The following TANGO6 variants were observed in gnomAD, a reference collection of about 807,000 sequenced individuals.
The protein encoded by TANGO6 is transport and golgi organization 6 homolog, also known as transport and Golgi organization protein 6 homolog.
TANGO6 carries 90 observed loss-of-function variants against 114.2 expected under a neutral mutation model. The observed-to-expected ratio is 0.79, with a 90% CI of 0.66 to 0.94. TANGO6 has a LOEUF of 0.94. TANGO6 is among the 40% of genes least tolerant of loss of function. The pLI is 0.00. For synonymous variants in TANGO6, 477 were observed against 509.8 expected (o/e 0.94, Z 0.87); for missense variants, 1,274 against 1,315.3 (o/e 0.97, Z 0.49).
rs1444259960 is a variant in TANGO6, at chr16:68,862,967, C to A, written c.758C>A (p.Thr253Asn). 1.3e-6 allele frequency: 2 copies of A among 1,597,552 alleles called. No homozygotes were observed. The highest frequency in any genetic ancestry group is 1.7e-6 in the Non-Finnish European group (2 of 1,172,154). Residue 253 changes from threonine to asparagine, a missense_variant, in exon 3 of 18, where the codon ACC becomes AAC. Around this residue, in one of 5 missense-constraint regions of TANGO6, gnomAD observed 908 missense variants for 910.2 expected, o/e 1.00. Transcript: ENST00000261778. Reference sequence around the variant, plus strand: ...TAGGTTCTAACTGAAGAGGAGAGAACCCTATCCAGGGGGGCCTTGAGAGAC... The same window carrying A: ...TAGGTTCTAACTGAAGAGGAGAGAAACCTATCCAGGGGGGCCTTGAGAGAC... The part of the protein sequence containing the change: ...AEEVLTEEER[T>N]LSRGALRDML...
chr16:68,894,143 G>GT (rs1443938339), intron 7 of TANGO6, among the ~76,000 whole-genome samples: 1 of 152,210 alleles, frequency 6.6e-6, no homozygotes, highest in African/African-American at 2.4e-5. Flanking sequence ...TTTGGCTATT[G>GT]TAAGTGCTGG....
In TANGO6 at chr16:69,029,528, A is replaced by G. The variant is rs116263706; in HGVS notation, c.2994+6549A>G. Among the ~76,000 whole-genome samples the G allele has an allele frequency of 4.3e-3, 659 of 152,260 alleles. 5 individuals are homozygous for G. Among genetic ancestry groups the G allele is most frequent in the African/African-American group, 0.015 (633 of 41,550 alleles). ...TCATTCCATTCTAGAGAGAGTAGAC[A>G]GATAATAAATGTTATGTATAATCAA... is the stretch of plus-strand genomic sequence containing the variant. On this transcript the variant is annotated intron_variant, in intron 16 of 17. Transcript: ENST00000261778.
At chr16:68,874,569 G>A (rs17690657) in intron 4 of TANGO6, among the ~76,000 whole-genome samples, 13,915 of 152,216 alleles carry the variant, frequency 0.091, 777 homozygotes, top group Non-Finnish European at 0.13. Flanking sequence ...TAAACATGGT[G>A]AAGCTAGTAT....
intron 17 of TANGO6, among the ~76,000 whole-genome samples, chr16:69,066,774 C>T (rs1319039131): frequency 6.6e-6 from 1 of 152,074 alleles, no homozygotes; most frequent in South Asian, 2.1e-4. Flanking sequence ...GTGCCTTATG[C>T]CTCCCACTCC....
intron 15 of TANGO6, among the ~76,000 whole-genome samples, chr16:68,978,903 A>G (rs561302140): frequency 1.7e-4 from 26 of 149,688 alleles, no homozygotes; most frequent in African/African-American, 6.4e-4. Flanking sequence ...ACATATATAC[A>G]GTAAAGTATA....
Position 68,880,632 on chromosome 16 carries a change from T to A in TANGO6, c.1377+2T>A, listed in dbSNP as rs904554404. On this transcript the variant is annotated splice_donor_variant, in intron 7 of 17. Coordinates refer to ENST00000261778, the MANE Select transcript of TANGO6 (RefSeq NM_024562.2). LOFTEE classifies it high-confidence loss of function. ...AGATGCATTGAGGATGTGTTTAAGG[T>A]TGGTAATCTGAGTCACTAATGTTTT... is the stretch of plus-strand genomic sequence containing the variant. The A allele has an allele frequency of 6.3e-7, 1 of 1,579,928 alleles. No individual in the cohort carries two copies. Among genetic ancestry groups the A allele is most frequent in the African/African-American group, 1.4e-5 (1 of 73,418 alleles).
chr16:68,875,079 T>C lies in TANGO6; in HGVS notation c.995-75T>C, dbSNP rs1962333389. On this transcript the variant is annotated intron_variant, in intron 4 of 17. Coordinates refer to ENST00000261778, the MANE Select transcript of TANGO6 (RefSeq NM_024562.2). ...GATAAATGCATTTTACCTTAAATTTTAAGACAAATTTGTTACATGGGACCT... is the reference window on the plus strand; with the variant it reads ...GATAAATGCATTTTACCTTAAATTTCAAGACAAATTTGTTACATGGGACCT... 6.8e-6 allele frequency: 10 copies of C among 1,472,852 alleles called. No homozygotes were observed. In the South Asian group the frequency reaches 1.4e-4, roughly 21 times the overall value. 91.2% of individuals were successfully genotyped at this position (1,472,852 alleles called of 1,614,324 possible).
At chr16:68,874,376 C>G (rs1962324806) in intron 4 of TANGO6, among the ~76,000 whole-genome samples, 1 of 152,194 alleles carries the variant, frequency 6.6e-6, no homozygotes, top group Non-Finnish European at 1.5e-5. Flanking sequence ...CTTCCGTTCT[C>G]TCAGGGATCA....
intron 14 of TANGO6, among the ~76,000 whole-genome samples, chr16:68,938,340 G>T (rs766826748): frequency 1.6e-4 from 24 of 152,160 alleles, no homozygotes; most frequent in Non-Finnish European, 2.1e-4. Flanking sequence ...TTGGAGATCT[G>T]GCAAGCTCTG....
intron 2 of TANGO6, 125 bp downstream of exon 2, chr16:68,860,649 C>T: frequency 8.1e-7 from 1 of 1,240,104 alleles, no homozygotes; most frequent in Admixed American, 2.8e-5. Flanking sequence ...CAAAGCATAT[C>T]CAATGGATAA....
chr16:69,077,045 A>G (rs1459044968), intron 17 of TANGO6, among the ~76,000 whole-genome samples: 1 of 144,970 alleles, frequency 6.9e-6, no homozygotes, highest in East Asian at 2.0e-4. Flanking sequence ...ATTATTACGA[A>G]TTTTTTTTTT....
At chr16:68,944,551 C>G (rs533167146) in intron 14 of TANGO6, among the ~76,000 whole-genome samples, 7 of 152,284 alleles carry the variant, frequency 4.6e-5, no homozygotes, top group Admixed American at 3.9e-4. Flanking sequence ...AAAGACCCTT[C>G]TCTAAGCAAA....
At chr16:68,907,074 T>C (rs888241701) in intron 9 of TANGO6, among the ~76,000 whole-genome samples, 20 of 151,030 alleles carry the variant, frequency 1.3e-4, no homozygotes, top group Non-Finnish European at 2.8e-4. Flanking sequence ...GGATTACAGG[T>C]GTGAGCCACC....
At chr16:68,894,201 C>T (rs75630220) in intron 7 of TANGO6, among the ~76,000 whole-genome samples, 1 of 152,178 alleles carries the variant, frequency 6.6e-6, no homozygotes, top group African/African-American at 2.4e-5. Context: ...CCTCTCATTT[C>T]CCTGAATAGG....
intron 14 of TANGO6, among the ~76,000 whole-genome samples, chr16:68,942,049 G>A (rs532322216): frequency 2.0e-5 from 3 of 152,058 alleles, no homozygotes; most frequent in East Asian, 3.9e-4. Context: ...GTAATGTAGA[G>A]CCAGGCACGG....
At chr16:68,899,783 T>G (rs1330912209) in intron 7 of TANGO6, among the ~76,000 whole-genome samples, 2 of 152,104 alleles carry the variant, frequency 1.3e-5, no homozygotes, top group African/African-American at 4.8e-5. Flanking sequence ...AATTTTTTTG[T>G]AGAGATGGGG....
intron 15 of TANGO6, among the ~76,000 whole-genome samples, chr16:68,997,772 T>A (rs1450756006): frequency 6.6e-6 from 1 of 152,134 alleles, no homozygotes; most frequent in African/African-American, 2.4e-5. Flanking sequence ...CAAGATGGAG[T>A]CACTCTGGTT....
chr16:68,921,029 G>T (rs1277819428), intron 12 of TANGO6, among the ~76,000 whole-genome samples: 1 of 150,190 alleles, frequency 6.7e-6, no homozygotes, highest in African/African-American at 2.5e-5. Flanking sequence ...CGTGAACCTG[G>T]GAGGCGGAGG....
chr16:68,980,138 G>A (rs1030204442), intron 15 of TANGO6, among the ~76,000 whole-genome samples: 13 of 151,770 alleles, frequency 8.6e-5, no homozygotes, highest in African/African-American at 2.4e-4. Flanking sequence ...GAGCCACCAC[G>A]CCCTGCCCTT....
Sources: gnomAD v4.1 joint callset for allele counts (sites outside exome capture counted in the v4.1 genomes callset) on GRCh38, gnomAD v4.1.1 for gene constraint, gnomAD v4.1.1 regional missense constraint, MANE v1.5 for transcripts, NCBI Gene and HGNC (gene_info 2026-07-23, HGNC 2026-07-21) for gene names.